The following BAHCC1 variants were observed in gnomAD, a reference collection of about 807,000 sequenced individuals.
BAHCC1 encodes the protein BAH domain and coiled-coil containing 1.
BAHCC1 carries 43 observed loss-of-function variants against 88.2 expected under a neutral mutation model. The ratio of observed to expected loss-of-function variants is 0.49; its 90% CI spans 0.38 to 0.63. The LOEUF is 0.63. BAHCC1 is among the 20% of genes least tolerant of loss of function. The probability of loss-of-function intolerance (pLI) is 0.00; values close to 1 mark genes in which losing one functional copy is unlikely to be tolerated. For missense variants in BAHCC1, 3,023 were observed against 1,654.8 expected (o/e 1.83, Z -14.34); for synonymous variants, 1,510 against 745.5 (o/e 2.03, Z -16.71).
At chr17:81,458,792 C>T in intron 19 of BAHCC1, 21 bp from the exon 20 acceptor site, 1 of 761,968 alleles carries the variant, frequency 1.3e-6, no homozygotes. Context: ...CCCACCCAAG[C>T]CTGACTCCTC....
At position 81,442,147 on chromosome 17, in the gene BAHCC1, C is replaced by T; in HGVS notation, c.798C>T (p.Gly266=). ...VPADGHCREG[G]PAPRGACEGR... ...CCGACGGGCACTGCAGGGAGGGCGG[C>T]CCCGCACCCCGAGGGGCCTGCGAGG... The change falls in exon 5 of 28, where the codon GGC becomes GGT. Residue 266 remains glycine, a synonymous_variant. Transcript: ENST00000675386. 1.5e-6 allele frequency: 1 copy of T among 655,914 alleles called. No homozygotes were observed. Among genetic ancestry groups the T allele is most frequent in the Non-Finnish European group, 2.8e-6 (1 of 362,220 alleles). 40.6% of individuals were successfully genotyped at this position (655,914 alleles called of 1,614,324 possible).
intron 15 of BAHCC1, 61 bp from the exon 16 acceptor site, chr17:81,456,236 C>T: frequency 1.5e-6 from 1 of 680,440 alleles, no homozygotes; most frequent in Non-Finnish European, 2.7e-6. Flanking sequence ...CACCTAACCG[C>T]CCAGGGGCTG....
In BAHCC1 at chr17:81,456,504, C is replaced by T. The variant is rs1378188807; in HGVS notation, c.4777C>T (p.His1593Tyr). ...KSAKVSGATR[H>Y]PQPKGHGSRE... ...TGCCAAGGTGTCTGGGGCCACACGGCACCCACAGCCCAAGGGCCACGGCAG... is the reference window on the plus strand; with the variant it reads ...TGCCAAGGTGTCTGGGGCCACACGGTACCCACAGCCCAAGGGCCACGGCAG... The change falls in exon 16 of 28, where the codon CAC becomes TAC. Residue 1593 changes from histidine (H) to tyrosine (Y), a missense_variant. Physicochemically the swap from His to Tyr is moderately conservative, Grantham distance 83. Coordinates refer to ENST00000675386, the MANE Select transcript of BAHCC1 (RefSeq NM_001377448.1). 9 of 717,886 alleles carry T rather than the reference C, an allele frequency of 1.3e-5. No individual in the cohort carries two copies. Among genetic ancestry groups the T allele is most frequent in the Non-Finnish European group, 2.1e-5 (8 of 385,736 alleles). 44.5% of individuals were successfully genotyped at this position (717,886 alleles called of 1,614,324 possible).
At chr17:81,423,937 G>A (rs1309133642) in intron 2 of BAHCC1, among the ~76,000 whole-genome samples, 6 of 152,330 alleles carry the variant, frequency 3.9e-5, no homozygotes, top group South Asian at 4.1e-4. Context: ...GGAGAAGTGC[G>A]GGGTATCCTG....
Position 81,451,793 on chromosome 17 carries a change from C to T in BAHCC1, c.4102C>T (p.Pro1368Ser), listed in dbSNP as rs782033713. The T allele has an allele frequency of 7.9e-6, 6 of 763,620 alleles. No homozygotes were observed. In the African/African-American group the frequency reaches 1.0e-4, roughly 13 times the overall value. The allele number at this position is 763,620 out of a possible 1,614,324, so 47.3% of individuals were successfully genotyped here. A position where few individuals can be genotyped will look rare whatever the true frequency, so the allele number is the denominator to read the frequency against. Residue 1368 changes from proline (P) to serine (S), a missense_variant, in exon 12 of 28, where the codon CCC (proline) becomes TCC (serine). Coordinates refer to ENST00000675386, the MANE Select transcript of BAHCC1 (RefSeq NM_001377448.1). ...CCCAGCGCAGCCGCCCACAGCCAAC[C>T]CCTGCAGCGGCCCCAGGCTCACCCC... ...TAPAQPPTAN[P>S]CSGPRLTPRM...
intron 2 of BAHCC1, among the ~76,000 whole-genome samples, chr17:81,404,115 C>T (rs1290503622): frequency 1.3e-5 from 2 of 152,192 alleles, no homozygotes; most frequent in Non-Finnish European, 2.9e-5. Context: ...AGACAGGGTT[C>T]AACAGCCCCC....
Position 81,445,168 on chromosome 17 carries a change from C to T in BAHCC1, c.2825C>T (p.Ala942Val), listed in dbSNP as rs782683804. 36 of 769,448 alleles carry T rather than the reference C, an allele frequency of 4.7e-5. No homozygotes were observed. The highest frequency in any genetic ancestry group is 8.7e-5 in the Non-Finnish European group (36 of 414,044). 47.7% of individuals were successfully genotyped at this position (769,448 alleles called of 1,614,324 possible). The change falls in exon 9 of 28, where the codon GCC (alanine) becomes GTC (valine). Residue 942 changes from alanine to valine, a missense_variant. By Grantham distance (64) the Ala-to-Val change is moderately conservative. Transcript: ENST00000675386. ...ELYALQQQRA[A>V]QFQRKPEDQH... ...TATGCTTTGCAGCAGCAGAGGGCCG[C>T]CCAGTTCCAGGTACCGCCCCTAGCC...
chr17:81,395,576 A>G lies in BAHCC1; in HGVS notation c.-266A>G, dbSNP rs1368766570. The stretch of plus-strand genomic sequence containing the variant: ...GAAAATACCAATAGGAATACAAAAC[A>G]AAGTCACATTTACTGATTTAATTGT... On this transcript the variant is annotated 5_prime_UTR_variant, in exon 1 of 28. Coordinates refer to ENST00000675386, the MANE Select transcript of BAHCC1 (RefSeq NM_001377448.1). 6.6e-6 allele frequency: 1 copy of G among 152,230 alleles called. No individual in the cohort carries two copies. The highest frequency in any genetic ancestry group is 6.5e-5 in the Admixed American group (1 of 15,288). 9.4% of individuals were successfully genotyped at this position (152,230 alleles called of 1,614,324 possible).
chr17:81,444,994 C>A, intron 8 of BAHCC1, 21 bp from the exon 9 acceptor site: 1 of 728,426 alleles, frequency 1.4e-6, no homozygotes, highest in East Asian at 2.5e-5. Context: ...CAGGCTGACC[C>A]CTCCTGGGCC....
intron 2 of BAHCC1, among the ~76,000 whole-genome samples, chr17:81,426,055 G>GATA (rs201413395): frequency 1.1e-5 from 1 of 89,616 alleles, no homozygotes; most frequent in Non-Finnish European, 2.1e-5. Flanking sequence ...TCGTGGTGGT[G>GATA]GTGGTGGGTG....
chr17:81,425,765 G>A (rs2064183717), intron 2 of BAHCC1, among the ~76,000 whole-genome samples: 1 of 134,916 alleles, frequency 7.4e-6, no homozygotes, highest in African/African-American at 2.8e-5. Flanking sequence ...GTGGTTGGTG[G>A]TGATGTGGTT....
In BAHCC1 at chr17:81,463,597, C is replaced by T. The variant is rs373487599; in HGVS notation, c.7621-14C>T. The T allele has an allele frequency of 7.2e-5, 56 of 779,228 alleles. No individual in the cohort carries two copies. In the East Asian group the frequency reaches 7.5e-4, roughly 10 times the overall value. The allele number at this position is 779,228 out of a possible 1,614,324, so 48.3% of individuals were successfully genotyped here. A position where few individuals can be genotyped will look rare whatever the true frequency, so the allele number is the denominator to read the frequency against. ...CAAGGCCGGCCACTGATGCCCCGCG[C>T]GCCTTGCCCCCAGAATGCGCTGTAC... On this transcript the variant is annotated splice_polypyrimidine_tract_variant and intron_variant, in intron 27 of 27. Transcript: ENST00000675386.
intron 3 of BAHCC1, among the ~76,000 whole-genome samples, chr17:81,436,949 T>C (rs1555651829): frequency 2.0e-5 from 3 of 152,182 alleles, no homozygotes. Flanking sequence ...TTGGAGCTGG[T>C]GACCCAGAGC....
chr17:81,438,602 C>A, intron 4 of BAHCC1, 110 bp downstream of exon 4: 1 of 675,484 alleles, frequency 1.5e-6, no homozygotes, highest in Non-Finnish European at 2.7e-6. Context: ...GCCCTCCCAC[C>A]AGGTGTCATC....
intron 2 of BAHCC1, among the ~76,000 whole-genome samples, chr17:81,421,240 G>A (rs2064112167): frequency 6.6e-6 from 1 of 152,214 alleles, no homozygotes; most frequent in Admixed American, 6.5e-5. Context: ...TTCCCGGCTG[G>A]CCTTGGCCCA....
At chr17:81,403,091 A>G (rs2063836511) in intron 2 of BAHCC1, 1 of 152,256 alleles carries the variant, frequency 6.6e-6, no homozygotes, top group Admixed American at 6.5e-5. Flanking sequence ...AAGATTTTTC[A>G]TCAGTGCTAC....
chr17:81,404,074 ATTC>A (rs2063850989), intron 2 of BAHCC1, among the ~76,000 whole-genome samples: 1 of 152,238 alleles, frequency 6.6e-6, no homozygotes, highest in South Asian at 2.1e-4. Flanking sequence ...TTCCCCGGTT[ATTC>A]TTAGAAATCT....
Position 81,452,063 on chromosome 17 carries a change from GA to G in BAHCC1, c.4274del (p.Lys1425SerfsTer124). 1 of 630,028 alleles carries G rather than the reference GA, an allele frequency of 1.6e-6. No homozygotes were observed. Among genetic ancestry groups the G allele is most frequent in the Non-Finnish European group, 2.8e-6 (1 of 357,144 alleles). 39.0% of individuals were successfully genotyped at this position (630,028 alleles called of 1,614,324 possible). A position where few individuals can be genotyped will look rare whatever the true frequency, so the allele number is the denominator to read the frequency against. On this transcript the variant is annotated frameshift_variant, in exon 13 of 28. Transcript: ENST00000675386. LOFTEE classifies it high-confidence loss of function. ...CGGAGCTGCAGCGGCGCTACAAGGAGAAGCAGCGGGAGCTGGCCCGCCTGCA... is the reference window on the plus strand; with the variant it reads ...CGGAGCTGCAGCGGCGCTACAAGGAGAGCAGCGGGAGCTGGCCCGCCTGCA... ...LAELQRRYKE[K>X]QRELARLQRK...
intron 2 of BAHCC1, chr17:81,407,401 C>T (rs1169975872): frequency 1.9e-6 from 1 of 520,074 alleles, no homozygotes; most frequent in East Asian, 5.4e-5. Context: ...CTCCCTCTCT[C>T]TCCGGTCCTT....
Sources: allele counts gnomAD v4.1 joint callset (sites outside exome capture counted in the v4.1 genomes callset), GRCh38; gene constraint gnomAD v4.1.1; transcripts MANE v1.5; gene names NCBI Gene and HGNC (gene_info 2026-07-23, HGNC 2026-07-21).